Variants in CPLANE1 observed in about 807,000 individuals in gnomAD.
CPLANE1 encodes ciliogenesis and planar polarity effector complex subunit 1.
CPLANE1 carries 263 observed loss-of-function variants against 362.5 expected under a neutral mutation model. The ratio of observed to expected loss-of-function variants is 0.73; its 90% CI spans 0.66 to 0.80. The LOEUF (loss-of-function observed/expected upper bound fraction) is 0.80. Among genes scored for constraint, CPLANE1 ranks in the 30% least tolerant of loss-of-function variants. CPLANE1 has a pLI of 0.00. For synonymous variants in CPLANE1, 1,212 were observed against 1,302.6 expected (o/e 0.93, Z 1.50); for missense variants, 3,461 against 3,793.4 (o/e 0.91, Z 2.30).
chr5:37,140,673 T>A, intron 44 of CPLANE1: 1 of 985,334 alleles, frequency 1.0e-6, no homozygotes, highest in African/African-American at 1.7e-5. Context: ...TATGGGGAAG[T>A]AGGTGAGATT....
rs606231261 is a variant in CPLANE1 at position 37,187,795 on chromosome 5, C to G, written c.3859G>C (p.Asp1287His). The change falls in exon 22 of 53, where the codon GAT becomes CAT. Residue 1287 changes from aspartate to histidine, a missense_variant. By Grantham distance (81) the Asp-to-His change is moderately conservative. This residue lies in a region of CPLANE1 where 3,380 missense variants were observed against 3,666.1 expected (regional missense o/e 0.92). Transcript: ENST00000651892. Reference protein sequence around the residue: ...CALCWMLHVRDKLSYSCRQYQ... With the variant: ...CALCWMLHVRHKLSYSCRQYQ... ...TGCCTGCAACTATAGGATAACTTAT[C>G]ACGGACATGCAGCATCCAACACAGA... 8.1e-6 allele frequency: 13 copies of G among 1,613,866 alleles called. No individual in the cohort carries two copies. Among genetic ancestry groups the G allele is most frequent in the Non-Finnish European group, 1.1e-5 (13 of 1,179,894 alleles).
intron 38 of CPLANE1, among the ~76,000 whole-genome samples, chr5:37,159,612 G>A (rs139000113): frequency 6.6e-6 from 1 of 152,242 alleles, no homozygotes; most frequent in Non-Finnish European, 1.5e-5. Context: ...TAGGCCTCTA[G>A]CCTTATCTTC....
In CPLANE1 at chr5:37,230,901, C is replaced by T; in HGVS notation, c.1087G>A (p.Glu363Lys). 1 of 1,545,848 alleles carries T rather than the reference C, an allele frequency of 6.5e-7. No homozygotes were observed. The highest frequency in any genetic ancestry group is 8.7e-7 in the Non-Finnish European group (1 of 1,144,226). The change falls in exon 9 of 53, where the codon GAA (glutamate) becomes AAA (lysine). Residue 363 changes from glutamate to lysine, a missense_variant. Physicochemically the swap from Glu to Lys is moderately conservative, Grantham distance 56. Transcript: ENST00000651892. ...FGCSIEFGPA[E>K]FIPLHPLITY... ...ATTAGTGGATGAAGAGGAATAAATTCTGCTGGGCCAAATTCTATAGAGCAA... is the reference window on the plus strand; with the variant it reads ...ATTAGTGGATGAAGAGGAATAAATTTTGCTGGGCCAAATTCTATAGAGCAA...
rs1033805802 is a variant in CPLANE1 at position 37,146,327 on chromosome 5, C to T, written c.8461+1854G>A. On this transcript the variant is annotated intron_variant, in intron 43 of 52. Transcript: ENST00000651892. ...CTAAGTAGCTGGGACTACAGGCACC[C>T]GCCACCACACCAGGCTAATTTTTGT... 2.7e-4 allele frequency among the ~76,000 whole-genome samples: 41 copies of T among 152,120 alleles called. 1 individual carries two copies. Among genetic ancestry groups the T allele is most frequent in the Admixed American group, 3.9e-4 (6 of 15,286 alleles).
intron 30 of CPLANE1, among the ~76,000 whole-genome samples, chr5:37,176,762 CT>C (rs11463353): frequency 8.3e-4 from 114 of 137,138 alleles, no homozygotes; most frequent in Non-Finnish European, 9.4e-4. Context: ...ATTATGTTGC[CT>C]TTTTTTTTTT....
intron 9 of CPLANE1, among the ~76,000 whole-genome samples, chr5:37,228,451 A>G (rs1796943360): frequency 6.6e-6 from 1 of 152,146 alleles, no homozygotes; most frequent in Non-Finnish European, 1.5e-5. Context: ...GATTTTTTTT[A>G]TTAGCCAAAT....
In CPLANE1 at chr5:37,209,113, G is replaced by T. The variant is rs1325320334; in HGVS notation, c.2921-2688C>A. On this transcript the variant is annotated intron_variant, in intron 16 of 52. Coordinates refer to ENST00000651892, the MANE Select transcript of CPLANE1 (RefSeq NM_001384732.1). The surrounding 1 kb of genome is among the most constrained non-coding windows in gnomAD (Gnocchi z 4.6). ...CGCCCTCCAGCCGCCTTTGATTCGT[G>T]ACTGGGTCACGGTCCTCACTCATTC... Among the ~76,000 whole-genome samples, 1 of 152,238 alleles carries T rather than the reference G, an allele frequency of 6.6e-6. No individual in the cohort carries two copies. The highest frequency in any genetic ancestry group is 6.5e-5 in the Admixed American group (1 of 15,284).
intron 18 of CPLANE1, among the ~76,000 whole-genome samples, chr5:37,203,380 TTCAC>T (rs1320996690): frequency 6.6e-6 from 1 of 152,054 alleles, no homozygotes; most frequent in Non-Finnish European, 1.5e-5. Flanking sequence ...TTTGTTCCTC[TTCAC>T]TATTTGTTAT....
At chr5:37,194,915 G>A (rs1162824053) in intron 21 of CPLANE1, among the ~76,000 whole-genome samples, 1 of 151,960 alleles carries the variant, frequency 6.6e-6, no homozygotes, top group African/African-American at 2.4e-5. Context: ...CACTTTGGGA[G>A]GCCGAGGCAG....
chr5:37,113,251 G>GTTAC (rs1298637856), intron 51 of CPLANE1, among the ~76,000 whole-genome samples: 2 of 152,204 alleles, frequency 1.3e-5, no homozygotes, highest in Non-Finnish European at 2.9e-5. Flanking sequence ...CATGGGGGCA[G>GTTAC]TTACCTTCAT....
chr5:37,213,809 A>G, intron 15 of CPLANE1, 77 bp from the exon 16 acceptor site: 1 of 1,204,598 alleles, frequency 8.3e-7, no homozygotes, highest in East Asian at 2.8e-5. Context: ...CCAACATTAT[A>G]CAAAAAGAAA....
At chr5:37,221,887 A>G (rs1015398650) in intron 14 of CPLANE1, among the ~76,000 whole-genome samples, 1 of 152,320 alleles carries the variant, frequency 6.6e-6, no homozygotes, top group Admixed American at 6.5e-5. Context: ...ATCCAAAGAA[A>G]GCTGCAAATT....
At chr5:37,107,928 GGCTGT>G (rs1758000879) in intron 52 of CPLANE1, 150 bp from the exon 53 acceptor site, 4 of 1,272,040 alleles carry the variant, frequency 3.1e-6, no homozygotes, top group Middle Eastern at 2.7e-4. Context: ...CAGGAAATAG[GGCTGT>G]GATTGCCCAG....
At position 37,192,660 on chromosome 5, in the gene CPLANE1, T is replaced by C. The variant is rs185148113; in HGVS notation, c.3811+3198A>G. On this transcript the variant is annotated intron_variant, in intron 21 of 52. Transcript: ENST00000651892. ...CGGGCAGATCACGAGGTCAGGAGATTGAGACCATCCTGGCTAACACGGTGA... is the reference window on the plus strand; with the variant it reads ...CGGGCAGATCACGAGGTCAGGAGATCGAGACCATCCTGGCTAACACGGTGA... 3.8e-3 allele frequency among the ~76,000 whole-genome samples: 538 copies of C among 142,126 alleles called. 5 individuals carry two copies. The highest frequency in any genetic ancestry group is 0.013 in the African/African-American group (486 of 37,996). 93.2% of individuals were successfully genotyped at this position (142,126 alleles called of 152,430 possible).
the CPLANE1 span, among the ~76,000 whole-genome samples, chr5:37,090,644 G>T: frequency 8.5e-5 from 13 of 152,104 alleles, no homozygotes; most frequent in Non-Finnish European, 1.8e-4. Flanking sequence ...GTTTACTGAT[G>T]GTTCTGGTAA....
chr5:37,103,938 G>GGAT (rs1164661446), downstream of CPLANE1, among the ~76,000 whole-genome samples: 2 of 152,054 alleles, frequency 1.3e-5, no homozygotes, highest in East Asian at 3.9e-4. Context: ...AAGTTCTCTT[G>GGAT]GATGATATCC....
At chr5:37,190,018 A>G (rs907673256) in intron 21 of CPLANE1, among the ~76,000 whole-genome samples, 2 of 152,118 alleles carry the variant, frequency 1.3e-5, no homozygotes, top group Non-Finnish European at 2.9e-5. Context: ...AAAGAAAAGA[A>G]AAGAAGAGTG....
chr5:37,148,166 T>A lies in CPLANE1; in HGVS notation c.8461+15A>T, dbSNP rs1420718837. 6.2e-7 allele frequency: 1 copy of A among 1,601,148 alleles called. No homozygotes were observed. The highest frequency in any genetic ancestry group is 8.5e-7 in the Non-Finnish European group (1 of 1,169,702). On this transcript the variant is annotated intron_variant, in intron 43 of 52. Transcript: ENST00000651892. ...AAAGCAAGACTTCAGCCAGCCCCTA[T>A]CAGCCCCTACAAACCTTCTTCAGAA...
intron 21 of CPLANE1, among the ~76,000 whole-genome samples, chr5:37,189,443 C>T (rs769340313): frequency 9.9e-5 from 15 of 152,088 alleles, no homozygotes; most frequent in Admixed American, 3.9e-4. Context: ...CGGGGGAGCA[C>T]GGCCCAATCT....
Sources: allele counts gnomAD v4.1 joint callset (sites outside exome capture counted in the v4.1 genomes callset), GRCh38; gene constraint gnomAD v4.1.1; regional missense constraint gnomAD v4.1.1; non-coding constraint Gnocchi (gnomAD v3.1); transcripts MANE v1.5; gene names NCBI Gene and HGNC (gene_info 2026-07-23, HGNC 2026-07-21).